Variants in TENM1 observed in about 807,000 individuals in gnomAD.
TENM1 encodes the protein teneurin-1.
A neutral mutation model predicts 174.8 loss-of-function variants in TENM1; 35 were observed. That is an observed-to-expected ratio of 0.20 (90% confidence interval 0.15 to 0.27). The LOEUF is 0.27. TENM1 is among the 10% of genes least tolerant of loss of function. The probability of loss-of-function intolerance (pLI) is 1.00; values close to 1 mark genes in which losing one functional copy is unlikely to be tolerated. For synonymous variants in TENM1, 781 were observed against 798.7 expected (o/e 0.98, Z 0.37); for missense variants, 1,633 against 2,130.1 (o/e 0.77, Z 4.59).
rs184657942 is a variant in TENM1 at position 124,512,152 on chromosome X, C to T, written c.3301+8365G>A. Among the ~76,000 whole-genome samples the T allele has an allele frequency of 1.7e-4, 19 of 111,232 alleles. No individual in the cohort carries two copies. The East Asian group carries it at 4.8e-3, about 28-fold the overall frequency. On this transcript the variant is annotated intron_variant, in intron 18 of 31. Transcript: ENST00000422452. The stretch of plus-strand genomic sequence containing the variant: ...TATTGATAATGTATGCAGACACAGG[C>T]GGACATCGGGAATTATTTTGACAAA...
intron 25 of TENM1, among the ~76,000 whole-genome samples, chrX:124,409,099 T>C (rs1435430586): frequency 1.8e-5 from 2 of 109,974 alleles, no homozygotes; most frequent in Non-Finnish European, 3.8e-5. Flanking sequence ...TTCCAAGTCT[T>C]TGCTATTGTG....
At chrX:124,850,167 T>G (rs911867892) in intron 3 of TENM1, among the ~76,000 whole-genome samples, 18 of 111,741 alleles carry the variant, frequency 1.6e-4, no homozygotes, top group African/African-American at 5.8e-4. Context: ...AAATCCCACT[T>G]CCCTTTCAGA....
intron 11 of TENM1, among the ~76,000 whole-genome samples, chrX:124,625,655 A>G (rs1188924488): frequency 9.0e-6 from 1 of 110,800 alleles, no homozygotes. Context: ...GGAAACTTAC[A>G]ATCATGGCAG....
chrX:124,862,034 T>C (rs1416341292), intron 3 of TENM1, among the ~76,000 whole-genome samples: 1 of 112,096 alleles, frequency 8.9e-6, no homozygotes, highest in Non-Finnish European at 1.9e-5. Context: ...CATCATAAAC[T>C]GAAACGGAAC....
chrX:124,727,974 T>A (rs2053479853), intron 4 of TENM1, among the ~76,000 whole-genome samples: 2 of 111,576 alleles, frequency 1.8e-5, no homozygotes, highest in Admixed American at 9.6e-5. Context: ...TCTTTTTTTT[T>A]ATGTTTTAAA....
the TENM1 span, among the ~76,000 whole-genome samples, chrX:125,143,804 C>T: frequency 9.0e-6 from 1 of 111,291 alleles, no homozygotes; most frequent in Non-Finnish European, 1.9e-5. Flanking sequence ...ATAGTCAAAT[C>T]TAGATGTTAT....
chrX:124,927,654 C>T (rs183614073), intron 1 of TENM1, among the ~76,000 whole-genome samples: 6 of 111,118 alleles, frequency 5.4e-5, no homozygotes, highest in African/African-American at 2.0e-4. Flanking sequence ...TATTAGAATC[C>T]CCCGAGGAGC....
At chrX:125,042,204 G>A in the TENM1 span, among the ~76,000 whole-genome samples, 11 of 111,478 alleles carry the variant, frequency 9.9e-5, no homozygotes, top group East Asian at 2.8e-4. Context: ...ATTAGACAAA[G>A]TTTAAGTTTA....
intron 11 of TENM1, among the ~76,000 whole-genome samples, chrX:124,602,026 C>A (rs1424074150): frequency 9.0e-6 from 1 of 111,186 alleles, no homozygotes; most frequent in Non-Finnish European, 1.9e-5. Context: ...AGCTGAAAAT[C>A]TTACTCTTCC....
At chrX:124,906,683 G>C (rs183724474) in intron 1 of TENM1, among the ~76,000 whole-genome samples, 1 of 112,114 alleles carries the variant, frequency 8.9e-6, no homozygotes, top group East Asian at 2.8e-4. Context: ...ATAGGCAAAT[G>C]AATGCAAACT....
chrX:125,115,682 G>A, the TENM1 span, among the ~76,000 whole-genome samples: 2 of 110,837 alleles, frequency 1.8e-5, no homozygotes, highest in Admixed American at 1.9e-4. Flanking sequence ...AACTTACAAG[G>A]GATGTGAAGG....
At chrX:124,520,077 A>G (rs1052443328) in intron 18 of TENM1, among the ~76,000 whole-genome samples, 1 of 112,251 alleles carries the variant, frequency 8.9e-6, no homozygotes, top group Non-Finnish European at 1.9e-5. Flanking sequence ...TTTAACCTGA[A>G]GAAGTAACAA....
intron 28 of TENM1, among the ~76,000 whole-genome samples, chrX:124,390,457 A>G (rs903263352): frequency 1.8e-5 from 2 of 112,245 alleles, no homozygotes; most frequent in African/African-American, 6.5e-5. Flanking sequence ...CTCGTCATCT[A>G]GAGGGGAAAG....
chrX:124,917,540 A>G (rs776683346), intron 1 of TENM1, among the ~76,000 whole-genome samples: 12 of 111,567 alleles, frequency 1.1e-4, no homozygotes, highest in African/African-American at 9.8e-5. Flanking sequence ...GTCCTTCACT[A>G]TATCACCTCC....
intron 3 of TENM1, among the ~76,000 whole-genome samples, chrX:124,842,711 C>T (rs1366440485): frequency 9.1e-6 from 1 of 110,352 alleles, no homozygotes; most frequent in Non-Finnish European, 1.9e-5. Context: ...ATCATGAGGG[C>T]CATACCATCA....
chrX:124,485,616 T>C (rs1379529119), intron 21 of TENM1, among the ~76,000 whole-genome samples: 1 of 111,375 alleles, frequency 9.0e-6, no homozygotes, highest in African/African-American at 3.3e-5. Context: ...CCAAGAGAAA[T>C]GCTATTTTGC....
At chrX:124,580,300 C>A (rs1366532411) in intron 11 of TENM1, among the ~76,000 whole-genome samples, 1 of 111,014 alleles carries the variant, frequency 9.0e-6, no homozygotes, top group Non-Finnish European at 1.9e-5. Context: ...CTGCCATTTG[C>A]TACACATGTG....
At chrX:124,432,390 A>AATTT (rs1394443143) in intron 23 of TENM1, among the ~76,000 whole-genome samples, 20 of 91,994 alleles carry the variant, frequency 2.2e-4, no homozygotes, top group Non-Finnish European at 4.0e-4. Flanking sequence ...TTACACTCCC[A>AATTT]GTTTATTTAT....
chrX:124,848,273 C>A (rs190861383), intron 3 of TENM1, among the ~76,000 whole-genome samples: 5,203 of 110,418 alleles, frequency 0.047, 181 homozygotes, highest in African/African-American at 0.11. Flanking sequence ...AAGTAGTTTC[C>A]AAATTTTTTA....
Sources: gnomAD v4.1 joint callset for allele counts (sites outside exome capture counted in the v4.1 genomes callset) on GRCh38, gnomAD v4.1.1 for gene constraint, MANE v1.5 for transcripts, NCBI Gene and HGNC (gene_info 2026-07-23, HGNC 2026-07-21) for gene names.